The following ZFP28 variants were observed in gnomAD, a reference collection of about 807,000 sequenced individuals.
ZFP28 encodes the protein zinc finger protein 28 homolog.
Under a neutral mutation model 39.5 loss-of-function variants are expected in ZFP28, and 31 were observed. The observed-to-expected ratio is 0.79, with a 90% CI of 0.59 to 1.06. The LOEUF is 1.06. ZFP28 is among the 50% of genes least tolerant of loss of function. The probability of loss-of-function intolerance (pLI) is 0.00; values close to 1 mark genes in which losing one functional copy is unlikely to be tolerated. For synonymous variants in ZFP28, 400 were observed against 378.6 expected (o/e 1.06, Z -0.66); for missense variants, 925 against 1,048.4 (o/e 0.88, Z 1.63).
intron 2 of ZFP28, among the ~76,000 whole-genome samples, chr19:56,542,733 C>T (rs982857411): frequency 2.6e-5 from 4 of 151,784 alleles, no homozygotes; most frequent in Non-Finnish European, 5.9e-5. Flanking sequence ...CATTTTTATA[C>T]CTGAAAATGT....
In ZFP28 at chr19:56,539,722, T is replaced by C. The variant is rs187624752; in HGVS notation, c.300+6T>C. The C allele has an allele frequency of 1.2e-4, 186 of 1,613,118 alleles. No homozygotes were observed. The African/African-American group carries it at 2.1e-3, about 18-fold the overall frequency. On this transcript the variant is annotated splice_donor_region_variant and intron_variant, in intron 2 of 7. Coordinates refer to ENST00000301318, the MANE Select transcript of ZFP28 (RefSeq NM_020828.2). ...AACCTAAAGCCATGTCCCAGGTGAG[T>C]TGGCATTTCATCTCTTGTCTCTGAA... is the stretch of plus-strand genomic sequence containing the variant.
In ZFP28 at chr19:56,555,457, T is replaced by C. The variant is rs2044343078; in HGVS notation, c.*65T>C. The C allele has an allele frequency of 6.7e-7, 1 of 1,499,386 alleles. No homozygotes were observed. The highest frequency in any genetic ancestry group is 8.8e-7 in the Non-Finnish European group (1 of 1,132,336). 92.9% of individuals were successfully genotyped at this position (1,499,386 alleles called of 1,614,324 possible). A position where few individuals can be genotyped will look rare whatever the true frequency, so the allele number is the denominator to read the frequency against. ...AAAACCCCATCTCCCTGCCCTTTTG[T>C]TTTCTTTTTGTCCCTTATTAGTTAG... On this transcript the variant is annotated 3_prime_UTR_variant, in exon 8 of 8. Transcript: ENST00000301318.
At chr19:56,545,194 G>A (rs1198096063) in intron 2 of ZFP28, among the ~76,000 whole-genome samples, 2 of 152,214 alleles carry the variant, frequency 1.3e-5, no homozygotes, top group Non-Finnish European at 2.9e-5. Flanking sequence ...GGTTTACACT[G>A]CAGGGGGCCT....
chr19:56,551,407 T>C lies in ZFP28; in HGVS notation c.898+802T>C, dbSNP rs185324308. 6.1e-6 allele frequency: 6 copies of C among 985,702 alleles called. No individual in the cohort carries two copies. The East Asian group carries it at 5.7e-4, about 93-fold the overall frequency. The allele number at this position is 985,702 out of a possible 1,614,324, so 61.1% of individuals were successfully genotyped here. On this transcript the variant is annotated intron_variant, in intron 7 of 7. Coordinates refer to ENST00000301318, the MANE Select transcript of ZFP28 (RefSeq NM_020828.2). ...GATAAACACACATTTTTTCACATAG[T>C]AGAAATTACAGTGTATATTCAGTTA...
At position 56,548,465 on chromosome 19, in the gene ZFP28, T is replaced by TA. The variant is rs201068050; in HGVS notation, c.524-484dup. The TA allele has an allele frequency of 7.6e-3, 1,148 of 151,376 alleles. 16 individuals are homozygous for TA. Among genetic ancestry groups the TA allele is most frequent in the African/African-American group, 0.026 (1,073 of 41,106 alleles). 9.4% of individuals were successfully genotyped at this position (151,376 alleles called of 1,614,324 possible). A position where few individuals can be genotyped will look rare whatever the true frequency, so the allele number is the denominator to read the frequency against. On this transcript the variant is annotated intron_variant, in intron 4 of 7. Coordinates refer to ENST00000301318, the MANE Select transcript of ZFP28 (RefSeq NM_020828.2). Reference sequence around the variant, plus strand: ...GGACTTTTATTAGTTAGCATCGTAATAAAAAAAAAGGAGGTATGTAGAGAT... The same window carrying TA: ...GGACTTTTATTAGTTAGCATCGTAATAAAAAAAAAAGGAGGTATGTAGAGAT...
At chr19:56,549,251 G>A (rs888427701) in intron 5 of ZFP28, 130 bp downstream of exon 5, 1 of 1,057,780 alleles carries the variant, frequency 9.5e-7, no homozygotes, top group Admixed American at 3.1e-5. Context: ...CTTATAGACA[G>A]ATTATCCCCT....
chr19:56,550,606 G>A lies in ZFP28; in HGVS notation c.898+1G>A. 1 of 1,614,058 alleles carries A rather than the reference G, an allele frequency of 6.2e-7. No individual in the cohort carries two copies. The highest frequency in any genetic ancestry group is 1.3e-5 in the African/African-American group (1 of 75,060). ...GAGCTGACAGGAAGCCTGTTCTCAGGTGAGTGCAGGAGAGCCTGGTGTGGA... is the reference window on the plus strand; with the variant it reads ...GAGCTGACAGGAAGCCTGTTCTCAGATGAGTGCAGGAGAGCCTGGTGTGGA... On this transcript the variant is annotated splice_donor_variant, in intron 7 of 7. Transcript: ENST00000301318. LOFTEE classifies it high-confidence loss of function.
At chr19:56,540,203 G>A (rs1334252912) in intron 2 of ZFP28, among the ~76,000 whole-genome samples, 3 of 152,242 alleles carry the variant, frequency 2.0e-5, no homozygotes, top group Non-Finnish European at 4.4e-5. Flanking sequence ...GGACTACAAG[G>A]CGCTCCTGGC....
In ZFP28 at chr19:56,554,872, C is replaced by T; in HGVS notation, c.2087C>T (p.Thr696Ile). The T allele has an allele frequency of 6.2e-7, 1 of 1,614,176 alleles. No homozygotes were observed. Among genetic ancestry groups the T allele is most frequent in the South Asian group, 1.1e-5 (1 of 91,086 alleles). ...THLIQHQRVH[T>I]GEKPYKCMEC... ...CTCATTCAACATCAGAGAGTTCACACTGGTGAGAAACCCTATAAATGTATG... is the reference window on the plus strand; with the variant it reads ...CTCATTCAACATCAGAGAGTTCACATTGGTGAGAAACCCTATAAATGTATG... Residue 696 changes from threonine (T) to isoleucine (I), a missense_variant, in exon 8 of 8, where the codon ACT (threonine) becomes ATT (isoleucine). This residue lies in a region of ZFP28 where 369 missense variants were observed against 505.5 expected (regional missense o/e 0.73). Coordinates refer to ENST00000301318, the MANE Select transcript of ZFP28 (RefSeq NM_020828.2). This position sits in a 1 kb window ranked among gnomAD's most constrained non-coding sequence, Gnocchi z 6.7.
rs2044326326 is a variant in ZFP28, at chr19:56,553,877, T to C, written c.1092T>C (p.His364=). ...AATTCAGGCAAGAGCCAATTACTCA[T>C]AACAAAACCCTCTCTAAGGAAAGAG... is the stretch of plus-strand genomic sequence containing the variant. The part of the protein sequence containing the change: ...ETQFRQEPIT[H]NKTLSKERER... Residue 364 remains histidine, a synonymous_variant, in exon 8 of 8, where the codon CAT becomes CAC. Transcript: ENST00000301318. 6.2e-7 allele frequency: 1 copy of C among 1,614,132 alleles called. No individual in the cohort carries two copies. The highest frequency in any genetic ancestry group is 1.7e-5 in the Admixed American group (1 of 60,022).
chr19:56,539,742 T>C, intron 2 of ZFP28, 26 bp downstream of exon 2: 1 of 1,597,712 alleles, frequency 6.3e-7, no homozygotes, highest in Non-Finnish European at 8.6e-7. Context: ...ATCTCTTGTC[T>C]CTGAAATGCA....
intron 2 of ZFP28, chr19:56,544,417 CTTGT>C (rs550061166): frequency 7.2e-5 from 11 of 152,216 alleles, no homozygotes; most frequent in Admixed American, 2.0e-4. Context: ...GCACAACATA[CTTGT>C]TTGTTTATGT....
chr19:56,541,068 C>T (rs1422544488), intron 2 of ZFP28, among the ~76,000 whole-genome samples: 1 of 152,150 alleles, frequency 6.6e-6, no homozygotes, highest in Non-Finnish European at 1.5e-5. Flanking sequence ...ATTGTGAGCC[C>T]AAACCTCTCC....
At chr19:56,552,090 T>C (rs2044309114) in intron 7 of ZFP28, 2 of 615,436 alleles carry the variant, frequency 3.2e-6, no homozygotes, top group Non-Finnish European at 4.1e-6. Flanking sequence ...TTTAGTATTA[T>C]ATGAATATAT....
chr19:56,539,228 T>TG lies in ZFP28; in HGVS notation c.208+3dup. On this transcript the variant is annotated splice_region_variant and intron_variant, in intron 1 of 7. Coordinates refer to ENST00000301318, the MANE Select transcript of ZFP28 (RefSeq NM_020828.2). Reference sequence around the variant, plus strand: ...CCCCTACGGGGCCTGGGCACAGAGGTGAGAGTGACAGGTGTTTGGGGCCGA... The same window carrying TG: ...CCCCTACGGGGCCTGGGCACAGAGGTGGAGAGTGACAGGTGTTTGGGGCCGA... 6.3e-7 allele frequency: 1 copy of TG among 1,586,638 alleles called. No individual in the cohort carries two copies. Among genetic ancestry groups the TG allele is most frequent in the Non-Finnish European group, 8.5e-7 (1 of 1,172,002 alleles).
rs2044338826 is a variant in ZFP28, at chr19:56,555,101, T to C, written c.2316T>C (p.Leu772=). Residue 772 remains leucine, a synonymous_variant, in exon 8 of 8, where the codon CTT becomes CTC. Transcript: ENST00000301318. ...AAGCCTTTAGTCATCGTCAATCCCT[T>C]AGTGTACATCAGAGAATCCATTCTG... is the stretch of plus-strand genomic sequence containing the variant. ...CGKAFSHRQS[L]SVHQRIHSGK... The C allele has an allele frequency of 6.2e-7, 1 of 1,614,200 alleles. No individual in the cohort carries two copies. Among genetic ancestry groups the C allele is most frequent in the Non-Finnish European group, 8.5e-7 (1 of 1,180,032 alleles).
chr19:56,550,742 T>A, intron 7 of ZFP28, 137 bp downstream of exon 7: 2 of 1,547,760 alleles, frequency 1.3e-6, no homozygotes, highest in Non-Finnish European at 1.7e-6. Context: ...AATTGAACTC[T>A]GGGAGTTCCA....
At position 56,539,068 on chromosome 19, in the gene ZFP28, G is replaced by T; in HGVS notation, c.50G>T (p.Gly17Val). The change falls in exon 1 of 8, where the codon GGT becomes GTT. Residue 17 changes from glycine to valine, a missense_variant. This residue lies in a region of ZFP28 where 556 missense variants were observed against 542.9 expected (regional missense o/e 1.02). Coordinates refer to ENST00000301318, the MANE Select transcript of ZFP28 (RefSeq NM_020828.2). ...ASVREPTPLPGRGAPRTKPRA... is the reference protein window; with the variant it reads ...ASVREPTPLPVRGAPRTKPRA... ...GTCCGCGAGCCGACGCCGCTCCCGG[G>T]TAGAGGCGCCCCCCGCACAAAGCCC... The T allele has an allele frequency of 6.6e-7, 1 of 1,523,818 alleles. No individual in the cohort carries two copies. The highest frequency in any genetic ancestry group is 1.2e-5 in the South Asian group (1 of 83,054). The allele number at this position is 1,523,818 out of a possible 1,614,324, so 94.4% of individuals were successfully genotyped here. A position where few individuals can be genotyped will look rare whatever the true frequency, so the allele number is the denominator to read the frequency against.
chr19:56,546,161 G>C (rs971857585), intron 2 of ZFP28: 1 of 152,214 alleles, frequency 6.6e-6, no homozygotes, highest in Non-Finnish European at 1.5e-5. Context: ...AGAGGCGTTA[G>C]GTAACCAAGT....
Sources: gnomAD v4.1 joint callset for allele counts (sites outside exome capture counted in the v4.1 genomes callset) on GRCh38, gnomAD v4.1.1 for gene constraint, gnomAD v4.1.1 regional missense constraint, Gnocchi (gnomAD v3.1) non-coding constraint, MANE v1.5 for transcripts, NCBI Gene and HGNC (gene_info 2026-07-23, HGNC 2026-07-21) for gene names.